Variants in COA7 observed in about 807,000 individuals in gnomAD.
The protein encoded by COA7 is cytochrome c oxidase assembly factor 7, also known as Sel1 repeat containing 1.
In COA7, 12 loss-of-function variants were observed where a neutral mutation model predicts 21.0. The ratio of observed to expected loss-of-function variants is 0.57; its 90% CI spans 0.37 to 0.92. The LOEUF is 0.92. Among genes scored for constraint, COA7 ranks in the 40% least tolerant of loss-of-function variants. COA7 has a pLI of 0.01. For synonymous variants in COA7, 95 were observed against 107.4 expected (o/e 0.88, Z 0.72); for missense variants, 240 against 286.1 (o/e 0.84, Z 1.16).
chr1:52,687,774 G>T lies in COA7; in HGVS notation c.642C>A (p.Ala214=), dbSNP rs951434561. ...TCTGCTGTTCTTTGTGTAGCTGCTGGGCTCGATTTTTTAGCACCTCGGCCT... is the reference window on the plus strand; with the variant it reads ...TCTGCTGTTCTTTGTGTAGCTGCTGTGCTCGATTTTTTAGCACCTCGGCCT... ...EAKAEVLKNR[A]QQLHKEQQKG... Residue 214 remains alanine, a synonymous_variant, in exon 3 of 3, where the codon GCC becomes GCA. Transcript: ENST00000371538. The T allele has an allele frequency of 6.2e-7, 1 of 1,614,228 alleles. No individual in the cohort carries two copies. The highest frequency in any genetic ancestry group is 8.5e-7 in the Non-Finnish European group (1 of 1,180,046).
chr1:52,698,321 G>T lies in COA7; in HGVS notation c.6C>A (p.Ala2=). 2 of 1,610,062 alleles carry T rather than the reference G, an allele frequency of 1.2e-6. No individual in the cohort carries two copies. ...CCTCATCCTGGAAGTCCACCATGCCGGCCATGGTTCGCGCCGGCCCAAAGA... is the reference window on the plus strand; with the variant it reads ...CCTCATCCTGGAAGTCCACCATGCCTGCCATGGTTCGCGCCGGCCCAAAGA... M[A]GMVDFQDEEQ... The change falls in exon 1 of 3, where the codon GCC becomes GCA. Residue 2 remains alanine (A), a synonymous_variant. Transcript: ENST00000371538.
At chr1:52,691,470 G>GTTT (rs541566680) in intron 2 of COA7, among the ~76,000 whole-genome samples, 1 of 122,068 alleles carries the variant, frequency 8.2e-6, no homozygotes, top group Non-Finnish European at 1.7e-5. Flanking sequence ...GTGTGTGTGT[G>GTTT]TTTTTTTTTT....
intron 2 of COA7, among the ~76,000 whole-genome samples, chr1:52,691,856 T>C (rs1383600004): frequency 6.6e-6 from 1 of 152,212 alleles, no homozygotes; most frequent in Non-Finnish European, 1.5e-5. Context: ...CCCCTTAGTG[T>C]AGGCTACATC....
intron 1 of COA7, among the ~76,000 whole-genome samples, chr1:52,694,343 C>T (rs772557282): frequency 8.5e-5 from 13 of 152,060 alleles, no homozygotes; most frequent in Non-Finnish European, 1.6e-4. Flanking sequence ...TGCCTATAAT[C>T]CCAGCTACTC....
chr1:52,686,478 C>CA lies in COA7; in HGVS notation c.*1241dup, dbSNP rs1042427563. ...TTTTTTTTTTTTTGAGACGGAGTCT[C>CA]ACTCTATCGCCCAGGCTGGAGGGCA... On this transcript the variant is annotated 3_prime_UTR_variant, in exon 3 of 3. Transcript: ENST00000371538. The CA allele has an allele frequency of 4.6e-5, 7 of 150,542 alleles. No homozygotes were observed. The highest frequency in any genetic ancestry group is 8.9e-5 in the Non-Finnish European group (6 of 67,756). The allele number at this position is 150,542 out of a possible 1,614,324, so 9.3% of individuals were successfully genotyped here.
At position 52,688,060 on chromosome 1, in the gene COA7, T is replaced by C. The variant is rs1644018959; in HGVS notation, c.356A>G (p.His119Arg). 5 of 1,614,092 alleles carry C rather than the reference T, an allele frequency of 3.1e-6. No individual in the cohort carries two copies. The highest frequency in any genetic ancestry group is 4.2e-6 in the Non-Finnish European group (5 of 1,180,050). ...GCCATCCTCATTAACCTGTCCATCA[T>C]GTGCCAGGAGGCCAACGTTGTGACA... ...AACHNVGLLA[H>R]DGQVNEDGQP... Residue 119 changes from histidine (H) to arginine (R), a missense_variant, in exon 3 of 3, where the codon CAT (histidine) becomes CGT (arginine). By Grantham distance (29) the His-to-Arg change is conservative. Transcript: ENST00000371538.
chr1:52,690,369 C>T (rs1460679370), intron 2 of COA7, among the ~76,000 whole-genome samples: 1 of 151,850 alleles, frequency 6.6e-6, no homozygotes, highest in East Asian at 1.9e-4. Flanking sequence ...TAAGTGAACA[C>T]CATTCCAGTC....
At chr1:52,693,012 C>G (rs1644059110) in intron 1 of COA7, 145 bp from the exon 2 acceptor site, 12 of 799,760 alleles carry the variant, frequency 1.5e-5, no homozygotes, top group Non-Finnish European at 2.2e-5. Flanking sequence ...GCAAGTTGGC[C>G]TTACCACAAA....
intron 2 of COA7, 151 bp from the exon 3 acceptor site, chr1:52,688,319 C>T: frequency 1.5e-6 from 1 of 649,852 alleles, no homozygotes; most frequent in Admixed American, 2.9e-5. Context: ...TCACGGCTCA[C>T]TGCAGCCTCA....
chr1:52,692,666 C>G, intron 2 of COA7, 61 bp downstream of exon 2: 1 of 1,593,890 alleles, frequency 6.3e-7, no homozygotes, highest in Non-Finnish European at 8.6e-7. Flanking sequence ...TATCATGGGG[C>G]TCAGGTGTGA....
At chr1:52,696,253 A>G (rs1644083180) in intron 1 of COA7, among the ~76,000 whole-genome samples, 1 of 151,762 alleles carries the variant, frequency 6.6e-6, no homozygotes, top group African/African-American at 2.4e-5. Context: ...AGCTCACTGC[A>G]ACCTCCGCCT....
At chr1:52,695,015 C>T (rs1453725797) in intron 1 of COA7, among the ~76,000 whole-genome samples, 1 of 152,040 alleles carries the variant, frequency 6.6e-6, no homozygotes, top group East Asian at 1.9e-4. Context: ...TGATTCAGGC[C>T]AGGTGTGGTG....
chr1:52,695,444 G>T (rs546703172), intron 1 of COA7, among the ~76,000 whole-genome samples: 1 of 151,934 alleles, frequency 6.6e-6, no homozygotes, highest in African/African-American at 2.4e-5. Context: ...CAGCCTGGGC[G>T]ACAGAGTAAT....
chr1:52,689,716 C>A (rs1396425335), intron 2 of COA7, among the ~76,000 whole-genome samples: 2 of 151,784 alleles, frequency 1.3e-5, no homozygotes, highest in African/African-American at 4.8e-5. Flanking sequence ...CATGGTAAAA[C>A]CCCATTTCTA....
Position 52,686,721 on chromosome 1 carries a change from T to TACAA in COA7, c.*998_*999insTTGT, listed in dbSNP as rs1235088686. On this transcript the variant is annotated 3_prime_UTR_variant, in exon 3 of 3. Transcript: ENST00000371538. The stretch of plus-strand genomic sequence containing the variant: ...CCTTGGCCACCCAAAGTGCTGGGGT[T>TACAA]ACAGGCGTGAGCCACCGTGCCCGGC... 1 of 152,332 alleles carries TACAA rather than the reference T, an allele frequency of 6.6e-6. No individual in the cohort carries two copies. The highest frequency in any genetic ancestry group is 1.9e-4 in the East Asian group (1 of 5,200). 9.4% of individuals were successfully genotyped at this position (152,332 alleles called of 1,614,324 possible). A position where few individuals can be genotyped will look rare whatever the true frequency, so the allele number is the denominator to read the frequency against.
intron 1 of COA7, 62 bp downstream of exon 1, chr1:52,698,159 A>G: frequency 5.0e-6 from 6 of 1,208,078 alleles, no homozygotes; most frequent in Non-Finnish European, 7.3e-6. Context: ...GAGGTCGCAG[A>G]CCAGACCTCT....
rs143873392 is a variant in COA7, at chr1:52,691,982, C to T, written c.247+745G>A. Among the ~76,000 whole-genome samples the T allele has an allele frequency of 1.2e-3, 183 of 152,280 alleles. 1 individual carries two copies. The highest frequency in any genetic ancestry group is 4.2e-3 in the African/African-American group (173 of 41,554). On this transcript the variant is annotated intron_variant, in intron 2 of 2. Transcript: ENST00000371538. ...ATTACTCACTCTGGGGGAACCCAGA[C>T]GCCATGTCATGAGGACACTCAAGCA...
intron 1 of COA7, chr1:52,697,975 T>G: frequency 1.9e-6 from 1 of 519,606 alleles, no homozygotes; most frequent in Non-Finnish European, 3.4e-6. Flanking sequence ...GTTTCATCTG[T>G]TCACCGATGG....
In COA7 at chr1:52,689,751, C is replaced by T. The variant is rs181608728; in HGVS notation, c.248-1583G>A. Among the ~76,000 whole-genome samples, 836 of 151,564 alleles carry T rather than the reference C, an allele frequency of 5.5e-3. 5 individuals carry two copies. Among genetic ancestry groups the T allele is most frequent in the African/African-American group, 0.019 (784 of 41,382 alleles). On this transcript the variant is annotated intron_variant, in intron 2 of 2. Transcript: ENST00000371538. ...ACAAAAATACAAAAATCAGGCTGGG[C>T]GCGGTGGCTTACGCCTGTAATCCCA...
Sources: gnomAD v4.1 joint callset for allele counts (sites outside exome capture counted in the v4.1 genomes callset) on GRCh38, gnomAD v4.1.1 for gene constraint, MANE v1.5 for transcripts, NCBI Gene and HGNC (gene_info 2026-07-23, HGNC 2026-07-21) for gene names.